Variants in SERINC5 observed in about 807,000 individuals in gnomAD.
SERINC5 encodes serine incorporator 5, also known as chromosome 5 open reading frame 12.
SERINC5 carries 41 observed loss-of-function variants against 63.1 expected under a neutral mutation model. The observed-to-expected ratio is 0.65, with a 90% CI of 0.51 to 0.84. The LOEUF is 0.84. Among genes scored for constraint, SERINC5 ranks in the 40% least tolerant of loss-of-function variants. The pLI is 0.00. For synonymous variants in SERINC5, 222 were observed against 215.2 expected (o/e 1.03, Z -0.28); for missense variants, 523 against 573.0 (o/e 0.91, Z 0.89).
chr5:80,219,912 T>C (rs968300916), intron 1 of SERINC5, among the ~76,000 whole-genome samples: 2 of 152,018 alleles, frequency 1.3e-5, no homozygotes, highest in African/African-American at 4.8e-5. Flanking sequence ...AGTACAGAGA[T>C]AGAAGCAAGT....
At chr5:80,160,932 GTGTA>G (rs1746842254) in intron 7 of SERINC5, among the ~76,000 whole-genome samples, 2 of 147,318 alleles carry the variant, frequency 1.4e-5, no homozygotes, top group South Asian at 2.2e-4. Context: ...GTGTGTGTGT[GTGTA>G]TATATATGTG....
At chr5:80,186,884 G>A (rs777795403) in intron 2 of SERINC5, among the ~76,000 whole-genome samples, 22 of 152,000 alleles carry the variant, frequency 1.4e-4, no homozygotes, top group African/African-American at 4.3e-4. Flanking sequence ...GGCCAGGCGC[G>A]GTGGCTCACG....
At chr5:80,175,194 A>G (rs1445657570) in intron 4 of SERINC5, 147 bp from the exon 5 acceptor site, 1 of 575,450 alleles carries the variant, frequency 1.7e-6, no homozygotes, top group African/African-American at 1.9e-5. Context: ...ACTATTATAA[A>G]TGTCACTCAC....
intron 7 of SERINC5, 51 bp downstream of exon 7, chr5:80,166,332 G>C: frequency 8.3e-7 from 1 of 1,204,192 alleles, no homozygotes; most frequent in East Asian, 2.6e-5. Flanking sequence ...ATTCCTCCAT[G>C]AATGAAAATA....
At chr5:80,231,580 G>A (rs1751439870) in intron 1 of SERINC5, among the ~76,000 whole-genome samples, 1 of 151,474 alleles carries the variant, frequency 6.6e-6, no homozygotes, top group African/African-American at 2.4e-5. Context: ...GCCCCAGTAG[G>A]TCTAAATTCC....
intron 5 of SERINC5, among the ~76,000 whole-genome samples, chr5:80,172,161 C>G (rs747840957): frequency 6.6e-6 from 1 of 152,150 alleles, no homozygotes; most frequent in Non-Finnish European, 1.5e-5. Flanking sequence ...GAAACCCCAT[C>G]TCTACCAAAA....
intron 2 of SERINC5, among the ~76,000 whole-genome samples, chr5:80,198,841 G>A (rs1211690837): frequency 6.6e-6 from 1 of 152,190 alleles, no homozygotes; most frequent in Non-Finnish European, 1.5e-5. Flanking sequence ...CCCTACGCAG[G>A]ACACCCAGCC....
chr5:80,249,097 G>A (rs538700709), intron 1 of SERINC5, among the ~76,000 whole-genome samples: 28 of 151,806 alleles, frequency 1.8e-4, no homozygotes, highest in African/African-American at 5.5e-4. Context: ...GGTGGATCAC[G>A]AGGTCAGGAG....
Position 80,150,297 on chromosome 5 carries a change from A to G in SERINC5, c.1053+585T>C, listed in dbSNP as rs577260906. On this transcript the variant is annotated intron_variant, in intron 9 of 11. Coordinates refer to ENST00000507668, the MANE Select transcript of SERINC5 (RefSeq NM_001174072.3). ...GAAGAGCGCAGGGTGCAGCCTGACA[A>G]GGTTACCTGAGCCTCTGGTTGGGGG... Among the ~76,000 whole-genome samples the G allele has an allele frequency of 3.9e-5, 6 of 152,254 alleles. No homozygotes were observed. The East Asian group carries it at 1.2e-3, about 29-fold the overall frequency.
chr5:80,250,959 A>G (rs1407754920), intron 1 of SERINC5, among the ~76,000 whole-genome samples: 1 of 62,064 alleles, frequency 1.6e-5, no homozygotes, highest in African/African-American at 5.1e-5. Context: ...ATAGTTACTG[A>G]ATAAACGTGT....
chr5:80,188,084 A>T (rs1017960895), intron 2 of SERINC5, among the ~76,000 whole-genome samples: 1 of 152,082 alleles, frequency 6.6e-6, no homozygotes, highest in African/African-American at 2.4e-5. Context: ...GGAGTTCGAG[A>T]CCAGCCTGGC....
chr5:80,169,329 G>C lies in SERINC5; in HGVS notation c.763+6C>G. 6.2e-7 allele frequency: 1 copy of C among 1,610,746 alleles called. No individual in the cohort carries two copies. Among genetic ancestry groups the C allele is most frequent in the South Asian group, 1.1e-5 (1 of 90,966 alleles). Reference sequence around the variant, plus strand: ...AGTAACGAAGAATGGAAAAAAACATGCTTACGATTTTGGACCCAGGGTGAG... The same window carrying C: ...AGTAACGAAGAATGGAAAAAAACATCCTTACGATTTTGGACCCAGGGTGAG... On this transcript the variant is annotated splice_donor_region_variant and intron_variant, in intron 6 of 11. Coordinates refer to ENST00000507668, the MANE Select transcript of SERINC5 (RefSeq NM_001174072.3).
intron 1 of SERINC5, among the ~76,000 whole-genome samples, chr5:80,249,175 C>T (rs1480988231): frequency 6.6e-6 from 1 of 151,952 alleles, no homozygotes; most frequent in East Asian, 1.9e-4. Flanking sequence ...ATTAGCCGGG[C>T]GTGGTGATGG....
intron 11 of SERINC5, 191 bp from the exon 12 acceptor site, chr5:80,144,001 T>G (rs1580055811): frequency 3.1e-6 from 2 of 641,966 alleles, no homozygotes; most frequent in East Asian, 5.8e-5. Context: ...ACCCCTTAGG[T>G]GCTCTCCCCT....
intron 5 of SERINC5, among the ~76,000 whole-genome samples, chr5:80,174,639 C>T (rs1013578618): frequency 7.2e-5 from 11 of 151,822 alleles, no homozygotes; most frequent in African/African-American, 2.4e-4. Flanking sequence ...TGCGGTGGCT[C>T]GAGCCTGTAA....
intron 1 of SERINC5, among the ~76,000 whole-genome samples, chr5:80,238,993 G>A (rs1751833309): frequency 6.6e-6 from 1 of 152,106 alleles, no homozygotes; most frequent in South Asian, 2.1e-4. Context: ...AATAGCAAAG[G>A]CTAGGAGAGC....
chr5:80,141,235 G>A lies in SERINC5; in HGVS notation c.*2428C>T, dbSNP rs571719589. The A allele has an allele frequency of 4.1e-6, 4 of 985,412 alleles. No homozygotes were observed. In the African/African-American group the frequency reaches 7.0e-5, roughly 17 times the overall value. The allele number at this position is 985,412 out of a possible 1,614,324, so 61.0% of individuals were successfully genotyped here. On this transcript the variant is annotated 3_prime_UTR_variant, in exon 12 of 12. Transcript: ENST00000507668. ...CAGAGCAACTGTAACTCTTCCTCTTGCATCAGACCAACCGGCAGAAGGGAA... is the reference window on the plus strand; with the variant it reads ...CAGAGCAACTGTAACTCTTCCTCTTACATCAGACCAACCGGCAGAAGGGAA...
intron 1 of SERINC5, among the ~76,000 whole-genome samples, chr5:80,224,255 G>A (rs564606386): frequency 1.0e-3 from 152 of 152,176 alleles, no homozygotes; most frequent in Middle Eastern, 3.4e-3. Flanking sequence ...GAGTCCAGGA[G>A]TTTGAGACCA....
chr5:80,227,629 G>A (rs913231417), intron 1 of SERINC5, among the ~76,000 whole-genome samples: 4 of 146,160 alleles, frequency 2.7e-5, no homozygotes, highest in African/African-American at 1.0e-4. Flanking sequence ...AGAATCGCAT[G>A]TGTAGATGTT....
Sources: gnomAD v4.1 joint callset for allele counts (sites outside exome capture counted in the v4.1 genomes callset) on GRCh38, gnomAD v4.1.1 for gene constraint, MANE v1.5 for transcripts, NCBI Gene and HGNC (gene_info 2026-07-23, HGNC 2026-07-21) for gene names.